The following NFAT5 variants were observed in gnomAD, a reference collection of about 807,000 sequenced individuals.
The protein encoded by NFAT5 is nuclear factor of activated T-cells 5.
A neutral mutation model predicts 166.5 loss-of-function variants in NFAT5; 31 were observed. The ratio of observed to expected loss-of-function variants is 0.19; its 90% confidence interval spans 0.14 to 0.25. The LOEUF (loss-of-function observed/expected upper bound fraction) is 0.25. Among genes scored for constraint, NFAT5 ranks in the 10% least tolerant of loss-of-function variants. The pLI is 1.00. For missense variants in NFAT5, 1,449 were observed against 1,821.8 expected, an observed-to-expected ratio of 0.80 and a Z score of 3.72; for synonymous variants, 612 against 639.7, an observed-to-expected ratio of 0.96 and a Z score of 0.65.
intron 11 of NFAT5, among the ~76,000 whole-genome samples, chr16:69,688,113 G>A (rs1439429968): frequency 1.3e-5 from 2 of 148,824 alleles, no homozygotes; most frequent in African/African-American, 4.9e-5. Flanking sequence ...GGAGAATGGC[G>A]TGAACCCGGG....
intron 10 of NFAT5, among the ~76,000 whole-genome samples, chr16:69,684,327 G>A (rs1343398684): frequency 1.5e-4 from 23 of 150,746 alleles, no homozygotes; most frequent in South Asian, 1.3e-3. Context: ...TTGGGAGGCC[G>A]AGGCGGGTGA....
Position 69,696,635 on chromosome 16 carries a change from G to T in NFAT5, c.*284G>T, listed in dbSNP as rs184181867. The stretch of plus-strand genomic sequence containing the variant: ...ATTAATTGTTATTATTTTCCTAGGC[G>T]CAATTTCCTTAAACGTACAGTTTAA... On this transcript the variant is annotated 3_prime_UTR_variant, in exon 15 of 15. Transcript: ENST00000349945. 6.6e-6 allele frequency: 1 copy of T among 152,494 alleles called. No homozygotes were observed. The highest frequency in any genetic ancestry group is 1.5e-5 in the Non-Finnish European group (1 of 68,000). 9.4% of individuals were successfully genotyped at this position (152,494 alleles called of 1,614,324 possible). A position where few individuals can be genotyped will look rare whatever the true frequency, so the allele number is the denominator to read the frequency against.
chr16:69,649,584 T>G (rs969121884), intron 4 of NFAT5: 46 of 974,454 alleles, frequency 4.7e-5, no homozygotes, highest in Non-Finnish European at 5.5e-5. Context: ...AAAAAATATT[T>G]GAAACTAGTA....
rs1204090966 is a variant in NFAT5 at position 69,703,351 on chromosome 16, C to T, written c.*7000C>T. The T allele has an allele frequency of 4.6e-5, 7 of 152,498 alleles. No individual in the cohort carries two copies. The highest frequency in any genetic ancestry group is 4.6e-4 in the Admixed American group (7 of 15,256). 9.4% of individuals were successfully genotyped at this position (152,498 alleles called of 1,614,324 possible). ...CTATCCTTGGAGCTTATGTTTCAGA[C>T]AAGAATTATTTACTAAAATAAATAA... On this transcript the variant is annotated 3_prime_UTR_variant, in exon 15 of 15. Coordinates refer to ENST00000349945, the MANE Select transcript of NFAT5 (RefSeq NM_138713.4).
chr16:69,679,938 G>A (rs917037395), intron 10 of NFAT5, among the ~76,000 whole-genome samples: 1 of 151,996 alleles, frequency 6.6e-6, no homozygotes, highest in Admixed American at 6.6e-5. Flanking sequence ...CTAACACGGT[G>A]AAACCCATCT....
intron 9 of NFAT5, among the ~76,000 whole-genome samples, chr16:69,675,806 A>AT: frequency 6.6e-6 from 1 of 151,878 alleles, no homozygotes; most frequent in Non-Finnish European, 1.5e-5. Context: ...GGGCTGGCTA[A>AT]TTTTTTGTAT....
intron 3 of NFAT5, chr16:69,646,535 G>A (rs972709989): frequency 1.6e-6 from 2 of 1,261,486 alleles, no homozygotes; most frequent in South Asian, 2.7e-5. Context: ...TCTGAAGCAG[G>A]GAGTGTCTGC....
At chr16:69,588,076 CT>C (rs2032210160) in intron 2 of NFAT5, among the ~76,000 whole-genome samples, 1 of 151,350 alleles carries the variant, frequency 6.6e-6, no homozygotes, top group African/African-American at 2.4e-5. Flanking sequence ...CCTCAGCCCC[CT>C]GGGTAGCTGG....
At chr16:69,618,911 A>G (rs2034077034) in intron 2 of NFAT5, among the ~76,000 whole-genome samples, 3 of 152,296 alleles carry the variant, frequency 2.0e-5, no homozygotes, top group Admixed American at 2.0e-4. Flanking sequence ...AGCATTCCCA[A>G]CACAAAGGAA....
Position 69,566,223 on chromosome 16 carries a change from C to A in NFAT5, c.-79C>A. ...GTCGCCGCCCCCGGTTCGGTGCCCG[C>A]GGTCCCGGAGAGGAGGTGCCGCCGC... On this transcript the variant is annotated 5_prime_UTR_variant, in exon 1 of 15. Transcript: ENST00000349945. The surrounding 1 kb of genome is among the most constrained non-coding windows in gnomAD (Gnocchi z 5.7). 7.3e-7 allele frequency: 1 copy of A among 1,362,158 alleles called. No individual in the cohort carries two copies. Among genetic ancestry groups the A allele is most frequent in the Non-Finnish European group, 1.0e-6 (1 of 984,364 alleles). 84.4% of individuals were successfully genotyped at this position (1,362,158 alleles called of 1,614,324 possible).
At chr16:69,649,345 A>C (rs2035576114) in intron 4 of NFAT5, 1 of 973,160 alleles carries the variant, frequency 1.0e-6, no homozygotes, top group South Asian at 4.8e-5. Flanking sequence ...ATTTAGAGCA[A>C]ATAGAATTTT....
At chr16:69,636,448 C>T (rs1162297736) in intron 3 of NFAT5, among the ~76,000 whole-genome samples, 2 of 152,224 alleles carry the variant, frequency 1.3e-5, no homozygotes, top group African/African-American at 4.8e-5. Flanking sequence ...TCCAACCCCA[C>T]ATTTTCCATC....
chr16:69,639,214 A>G (rs1259501377), intron 3 of NFAT5, among the ~76,000 whole-genome samples: 2 of 152,196 alleles, frequency 1.3e-5, no homozygotes, highest in African/African-American at 4.8e-5. Context: ...GTGTATATCT[A>G]GTACATGTTT....
At chr16:69,644,283 T>C (rs1432144298) in intron 3 of NFAT5, among the ~76,000 whole-genome samples, 1 of 149,314 alleles carries the variant, frequency 6.7e-6, no homozygotes, top group Non-Finnish European at 1.5e-5. Context: ...AGACCCTGCC[T>C]CAAAAAAAAA....
rs998607582 is a variant in NFAT5 at position 69,699,607 on chromosome 16, A to G, written c.*3256A>G. On this transcript the variant is annotated 3_prime_UTR_variant, in exon 15 of 15. Transcript: ENST00000349945. ...TCAGTGGTTGATATTTGTGCTAATA[A>G]TGCAATTTCCTGATTACTGTTACAA... The G allele has an allele frequency of 1.3e-5, 2 of 152,668 alleles. No homozygotes were observed. The highest frequency in any genetic ancestry group is 2.9e-5 in the Non-Finnish European group (2 of 68,048). The allele number at this position is 152,668 out of a possible 1,614,324, so 9.5% of individuals were successfully genotyped here. A position where few individuals can be genotyped will look rare whatever the true frequency, so the allele number is the denominator to read the frequency against.
chr16:69,670,091 T>C lies in NFAT5; in HGVS notation c.1484T>C (p.Ile495Thr). ...GKNFLKGTKVIFQENVSDENS... is the reference protein window; with the variant it reads ...GKNFLKGTKVTFQENVSDENS... ...AACTTTCTGAAAGGAACTAAAGTTA[T>C]TTTCCAAGAAAATGTTTCTGGTAAG... Residue 495 changes from isoleucine (I) to threonine (T), a missense_variant, in exon 8 of 15, where the codon ATT becomes ACT. By Grantham distance (89) the Ile-to-Thr change is moderately conservative. Coordinates refer to ENST00000349945, the MANE Select transcript of NFAT5 (RefSeq NM_138713.4). 1.9e-6 allele frequency: 3 copies of C among 1,611,524 alleles called. No individual in the cohort carries two copies. Among genetic ancestry groups the C allele is most frequent in the Non-Finnish European group, 2.5e-6 (3 of 1,179,402 alleles).
At chr16:69,589,951 G>A (rs1204967298) in intron 2 of NFAT5, among the ~76,000 whole-genome samples, 3 of 152,038 alleles carry the variant, frequency 2.0e-5, no homozygotes, top group African/African-American at 7.2e-5. Flanking sequence ...GAGTCCAGGA[G>A]TTTGAGACCA....
At chr16:69,658,791 C>T (rs2036000433) in intron 6 of NFAT5, among the ~76,000 whole-genome samples, 2 of 151,968 alleles carry the variant, frequency 1.3e-5, no homozygotes, top group East Asian at 1.9e-4. Flanking sequence ...AGCGCCATTG[C>T]GCTCAGGCCT....
intron 4 of NFAT5, among the ~76,000 whole-genome samples, chr16:69,652,460 A>G (rs977080992): frequency 2.6e-4 from 40 of 152,140 alleles, no homozygotes; most frequent in African/African-American, 8.9e-4. Flanking sequence ...TCAGAAAAAA[A>G]AAAAAAAAAA....
Sources: allele counts gnomAD v4.1 joint callset (sites outside exome capture counted in the v4.1 genomes callset), GRCh38; gene constraint gnomAD v4.1.1; non-coding constraint Gnocchi (gnomAD v3.1); transcripts MANE v1.5; gene names NCBI Gene and HGNC (gene_info 2026-07-23, HGNC 2026-07-21).